Variants in RNF213 observed in about 807,000 individuals in gnomAD.
The protein encoded by RNF213 is E3 ubiquitin-protein ligase RNF213.
A neutral mutation model predicts 514.4 loss-of-function variants in RNF213; 341 were observed. That is an observed-to-expected ratio of 0.66 (90% CI 0.61 to 0.73). The LOEUF (loss-of-function observed/expected upper bound fraction) is 0.73, where lower values mean the gene tolerates loss of function less well. RNF213 is among the 30% of genes least tolerant of loss of function. The probability of loss-of-function intolerance (pLI) is 0.00; values close to 1 mark genes in which losing one functional copy is unlikely to be tolerated. For synonymous variants in RNF213, 2,655 were observed against 2,658.2 expected (o/e 1.00, Z 0.04); for missense variants, 5,767 against 6,615.6 (o/e 0.87, Z 4.45).
chr17:80,329,425 G>A (rs1349867303), intron 20 of RNF213, among the ~76,000 whole-genome samples: 1 of 152,224 alleles, frequency 6.6e-6, no homozygotes, highest in Non-Finnish European at 1.5e-5. Flanking sequence ...GTCCGATGCA[G>A]TGCCAGTTAC....
intron 13 of RNF213, among the ~76,000 whole-genome samples, chr17:80,308,698 C>G (rs1002177064): frequency 1.3e-5 from 2 of 152,122 alleles, no homozygotes; most frequent in Admixed American, 6.5e-5. Context: ...AATATTTTTT[C>G]AAATTTATGT....
chr17:80,354,252 C>A, intron 35 of RNF213, 86 bp downstream of exon 35: 1 of 1,528,132 alleles, frequency 6.5e-7, no homozygotes, highest in Non-Finnish European at 9.0e-7. Context: ...TGTTGGGGGA[C>A]ACCCTCTCAG....
chr17:80,290,927 A>G (rs2044701122), intron 7 of RNF213, among the ~76,000 whole-genome samples, 199 bp downstream of exon 7: 1 of 151,674 alleles, frequency 6.6e-6, no homozygotes, highest in African/African-American at 2.4e-5. Flanking sequence ...CTCATGCCTC[A>G]GCTCCCAAGT....
intron 59 of RNF213, 101 bp from the exon 60 acceptor site, chr17:80,384,938 A>G: frequency 8.0e-7 from 1 of 1,245,090 alleles, no homozygotes; most frequent in African/African-American, 1.5e-5. Flanking sequence ...GACCAGATTA[A>G]GCTACAAATA....
intron 38 of RNF213, among the ~76,000 whole-genome samples, 154 bp from the exon 39 acceptor site, chr17:80,361,580 A>G (rs1161345669): frequency 2.0e-5 from 3 of 152,198 alleles, no homozygotes; most frequent in East Asian, 1.9e-4. Context: ...TATTCCTTCA[A>G]TTCCCTACAA....
chr17:80,272,475 A>C (rs911685491), intron 2 of RNF213, among the ~76,000 whole-genome samples: 5 of 152,204 alleles, frequency 3.3e-5, no homozygotes, highest in African/African-American at 4.8e-5. Flanking sequence ...TCTTGACTTC[A>C]TAACAACCCA....
intron 61 of RNF213, 88 bp from the exon 62 acceptor site, chr17:80,386,162 G>A: frequency 7.6e-7 from 1 of 1,310,976 alleles, no homozygotes; most frequent in South Asian, 1.2e-5. Context: ...GTGTGGAGCT[G>A]ATGGCTTCTG....
intron 15 of RNF213, among the ~76,000 whole-genome samples, chr17:80,314,127 A>G (rs1172337096): frequency 8.3e-5 from 6 of 72,598 alleles, no homozygotes; most frequent in South Asian, 3.9e-4. Context: ...GGTGAAGGTG[A>G]TGGTGGAGGT....
intron 14 of RNF213, 24 bp from the exon 15 acceptor site, chr17:80,312,988 A>AC: frequency 6.2e-7 from 1 of 1,613,278 alleles, no homozygotes; most frequent in East Asian, 2.2e-5. Context: ...AGGATGACTG[A>AC]CCCTCCCTCT....
chr17:80,335,097 A>G (rs1192729516), intron 22 of RNF213, among the ~76,000 whole-genome samples: 1 of 150,238 alleles, frequency 6.7e-6, no homozygotes, highest in Non-Finnish European at 1.5e-5. Context: ...ACTTTTTTGT[A>G]TTTTTAGTAG....
intron 8 of RNF213, among the ~76,000 whole-genome samples, chr17:80,294,072 G>A (rs1026228848): frequency 1.3e-5 from 2 of 152,192 alleles, no homozygotes; most frequent in South Asian, 2.1e-4. Context: ...GTCTTCACGT[G>A]GCCTCTGACC....
rs2044727033 is a variant in RNF213 at position 80,291,484 on chromosome 17, T to A, written c.1272-144T>A. 2.0e-5 allele frequency: 16 copies of A among 798,696 alleles called. No homozygotes were observed. The South Asian group carries it at 2.3e-4, about 11-fold the overall frequency. 49.5% of individuals were successfully genotyped at this position (798,696 alleles called of 1,614,324 possible). ...GAAGTCCTCCCGCCTCAGCCTCCCA[T>A]GGTGTTGGGATTTCAGGCATGGGCC... On this transcript the variant is annotated intron_variant, in intron 7 of 67. Transcript: ENST00000582970.
At position 80,354,494 on chromosome 17, in the gene RNF213, G is replaced by T; in HGVS notation, c.10780G>T (p.Glu3594Ter). ...MRLSVFLKKQEESQFHPLEWL... is the reference protein window; with the variant it reads ...MRLSVFLKKQ ...CCTCAGTGTCTTTTTAAAGAAGCAAGAAGAGAGCCAGTTTCACCCTCTGGA... is the reference window on the plus strand; with the variant it reads ...CCTCAGTGTCTTTTTAAAGAAGCAATAAGAGAGCCAGTTTCACCCTCTGGA... Residue 3594 changes from glutamate to a stop codon, truncating the protein, a stop_gained, in exon 36 of 68, where the codon GAA (glutamate) becomes TAA (stop). Coordinates refer to ENST00000582970, the MANE Select transcript of RNF213 (RefSeq NM_001256071.3). LOFTEE classifies it high-confidence loss of function. The T allele has an allele frequency of 6.2e-7, 1 of 1,614,238 alleles. No individual in the cohort carries two copies. The highest frequency in any genetic ancestry group is 8.5e-7 in the Non-Finnish European group (1 of 1,180,052).
At chr17:80,325,220 G>C (rs2046248297) in intron 18 of RNF213, 22 bp downstream of exon 18, 2 of 1,518,912 alleles carry the variant, frequency 1.3e-6, no homozygotes, top group Non-Finnish European at 1.8e-6. Context: ...GGAGTGCTGG[G>C]AACATCAGCT....
In RNF213 at chr17:80,338,057, G is replaced by C. The variant is rs561533903; in HGVS notation, c.4833+60G>C. 9.7e-4 allele frequency: 1,470 copies of C among 1,521,594 alleles called. 3 individuals are homozygous for C. The highest frequency in any genetic ancestry group is 1.2e-3 in the Non-Finnish European group (1,324 of 1,133,446). 94.3% of individuals were successfully genotyped at this position (1,521,594 alleles called of 1,614,324 possible). A position where few individuals can be genotyped will look rare whatever the true frequency, so the allele number is the denominator to read the frequency against. ...TGGTGTCATCTCGTCCGTGAGGGCT[G>C]TGTACTCCCAAGAAAACGGAAAGGA... On this transcript the variant is annotated intron_variant, in intron 25 of 67. Coordinates refer to ENST00000582970, the MANE Select transcript of RNF213 (RefSeq NM_001256071.3).
At chr17:80,336,560 C>G in intron 23 of RNF213, 182 bp downstream of exon 23, 1 of 695,240 alleles carries the variant, frequency 1.4e-6, no homozygotes, top group South Asian at 1.5e-5. Flanking sequence ...ACCTAGAAAG[C>G]AGGATACAAA....
At chr17:80,349,084 C>T (rs1348267076) in intron 29 of RNF213, among the ~76,000 whole-genome samples, 1 of 152,130 alleles carries the variant, frequency 6.6e-6, no homozygotes, top group Non-Finnish European at 1.5e-5. Context: ...AGGGCCAATA[C>T]CACCACCCAG....
In RNF213 at chr17:80,347,500, G is replaced by A. The variant is rs1215664785; in HGVS notation, c.9165G>A (p.Leu3055=). Reference sequence around the variant, plus strand: ...AAAACTACGTGGCACTGCAGATCCTGCAGCAGACATTCTTCGAGGGGGACC... The same window carrying A: ...AAAACTACGTGGCACTGCAGATCCTACAGCAGACATTCTTCGAGGGGGACC... ...LTKNYVALQI[L]QQTFFEGDQQ... is the part of the protein sequence containing the mutation. The change falls in exon 29 of 68, where the codon CTG becomes CTA. Residue 3055 remains leucine (L), a synonymous_variant. Transcript: ENST00000582970. The surrounding 1 kb of genome is among the most constrained non-coding windows in gnomAD (Gnocchi z 7.2). 1 of 1,614,108 alleles carries A rather than the reference G, an allele frequency of 6.2e-7. No homozygotes were observed. Among genetic ancestry groups the A allele is most frequent in the Non-Finnish European group, 8.5e-7 (1 of 1,180,042 alleles).
At chr17:80,370,557 G>A (rs956147234) in intron 46 of RNF213, among the ~76,000 whole-genome samples, 4 of 152,154 alleles carry the variant, frequency 2.6e-5, no homozygotes, top group African/African-American at 9.7e-5. Flanking sequence ...TTTCTTCACC[G>A]CCATGCACAC....
Sources: allele counts gnomAD v4.1 joint callset (sites outside exome capture counted in the v4.1 genomes callset), GRCh38; gene constraint gnomAD v4.1.1; non-coding constraint Gnocchi (gnomAD v3.1); transcripts MANE v1.5; gene names NCBI Gene and HGNC (gene_info 2026-07-23, HGNC 2026-07-21).